PPCDC: variants seen among roughly 807,000 people sequenced by gnomAD.
PPCDC encodes the protein phosphopantothenoylcysteine decarboxylase.
In PPCDC, 20 loss-of-function variants were observed where a neutral mutation model predicts 20.7. The ratio of observed to expected loss-of-function variants is 0.97; its 90% CI spans 0.68 to 1.41. The LOEUF is 1.41. PPCDC is among the 40% of genes most tolerant of loss of function. The pLI is 0.00. For synonymous variants in PPCDC, 88 were observed against 100.3 expected, an observed-to-expected ratio of 0.88 and a Z score of 0.73; for missense variants, 246 against 263.8, an observed-to-expected ratio of 0.93 and a Z score of 0.47.
chr15:75,048,783 T>C (rs1322524178), intron 5 of PPCDC, 62 bp downstream of exon 5: 52 of 1,558,254 alleles, frequency 3.3e-5, no homozygotes, highest in Non-Finnish European at 4.5e-5. Context: ...TGGGGTCATA[T>C]CTCAGTTCAG....
rs1028946304 is a variant in PPCDC, at chr15:75,032,731, C to CT, written c.135+4278_135+4279insT. Among the ~76,000 whole-genome samples, 56 of 130,490 alleles carry CT rather than the reference C, an allele frequency of 4.3e-4. 9 individuals carry two copies. Among genetic ancestry groups the CT allele is most frequent in the Non-Finnish European group, 8.1e-4 (51 of 62,600 alleles). 85.6% of individuals were successfully genotyped at this position (130,490 alleles called of 152,430 possible). A position where few individuals can be genotyped will look rare whatever the true frequency, so the allele number is the denominator to read the frequency against. ...TAGGAGCTAGCAAACTGGACCCCCC[C>CT]CCCCAAGGCCAAATTCGGCTCTGCC... On this transcript the variant is annotated intron_variant, in intron 2 of 5. Coordinates refer to ENST00000342932, the MANE Select transcript of PPCDC (RefSeq NM_021823.5).
intron 1 of PPCDC, among the ~76,000 whole-genome samples, chr15:75,025,669 CTT>C (rs1380556019): frequency 2.0e-5 from 3 of 152,186 alleles, no homozygotes; most frequent in African/African-American, 4.8e-5. Context: ...CTTGCCAACT[CTT>C]TTTGCTGCTC....
At chr15:75,036,651 G>A (rs2066088336) in intron 2 of PPCDC, among the ~76,000 whole-genome samples, 2 of 152,138 alleles carry the variant, frequency 1.3e-5, no homozygotes, top group Admixed American at 6.5e-5. Context: ...CAGGGTGAGA[G>A]GCTTAACAGG....
At position 75,044,451 on chromosome 15, in the gene PPCDC, G is replaced by T. The variant is rs1483274108; in HGVS notation, c.297G>T (p.Leu99=). 1 of 1,614,092 alleles carries T rather than the reference G, an allele frequency of 6.2e-7. No homozygotes were observed. Among genetic ancestry groups the T allele is most frequent in the African/African-American group, 1.3e-5 (1 of 74,942 alleles). ...TGCGGAGGTGGGCAGACCTCCTGCT[G>T]GTGGCTCCTCTTGATGCCAACACTC... is the stretch of plus-strand genomic sequence containing the variant. The part of the protein sequence containing the change: ...IDLRRWADLL[L]VAPLDANTLG... Residue 99 remains leucine (L), a synonymous_variant, in exon 4 of 6, where the codon CTG becomes CTT. Transcript: ENST00000342932.
chr15:75,029,953 C>A (rs951434133), intron 2 of PPCDC, among the ~76,000 whole-genome samples: 1 of 152,194 alleles, frequency 6.6e-6, no homozygotes, highest in Non-Finnish European at 1.5e-5. Context: ...TCCCATCCCA[C>A]GCAGCCAGCG....
At chr15:75,040,969 C>T (rs569200786) in intron 2 of PPCDC, among the ~76,000 whole-genome samples, 36 of 152,308 alleles carry the variant, frequency 2.4e-4, no homozygotes, top group Non-Finnish European at 1.0e-4. Flanking sequence ...TTACTGCTCC[C>T]GGCCAAATGC....
chr15:75,034,030 G>A (rs1366907253), intron 2 of PPCDC, among the ~76,000 whole-genome samples: 1 of 152,232 alleles, frequency 6.6e-6, no homozygotes, highest in African/African-American at 2.4e-5. Context: ...AGAGCCAGGT[G>A]GGAAAGGTCA....
intron 1 of PPCDC, among the ~76,000 whole-genome samples, chr15:75,026,035 T>G (rs1195723127): frequency 2.0e-5 from 3 of 152,200 alleles, no homozygotes; most frequent in Non-Finnish European, 4.4e-5. Context: ...CTATAGTGCC[T>G]GCTGTGGGGA....
rs940167514 is a variant in PPCDC at position 75,044,510 on chromosome 15, T to A, written c.356T>A (p.Leu119Ter). The A allele has an allele frequency of 3.1e-6, 5 of 1,613,816 alleles. No homozygotes were observed. The African/African-American group carries it at 6.7e-5, about 22-fold the overall frequency. Residue 119 changes from leucine (L) to a stop codon, truncating the protein, a stop_gained, in exon 4 of 6, where the codon TTG (leucine) becomes TAG (stop). Transcript: ENST00000342932. LOFTEE classifies it high-confidence loss of function. ...GTGGCCAGTGGCATCTGTGACAACT[T>A]GCTTGTGAGTGATGTCCTGGTGCCC... ...GKVASGICDN[L>*]LTCVMRAWDR...
intron 4 of PPCDC, among the ~76,000 whole-genome samples, chr15:75,045,862 C>G (rs930014788): frequency 6.7e-6 from 1 of 150,214 alleles, no homozygotes; most frequent in Non-Finnish European, 1.5e-5. Context: ...GCCAGAATAG[C>G]CAGTGCGCTC....
intron 4 of PPCDC, 53 bp downstream of exon 4, chr15:75,044,567 C>T: frequency 1.9e-6 from 3 of 1,586,906 alleles, no homozygotes; most frequent in Non-Finnish European, 2.6e-6. Context: ...ACCCAGTTTG[C>T]TGAGCTGCAG....
rs1390325661 is a variant in PPCDC, at chr15:75,049,617, C to T, written c.*382C>T. On this transcript the variant is annotated 3_prime_UTR_variant, in exon 6 of 6. Transcript: ENST00000342932. ...CCTGGCTGAGCCTTGGGAGTTTCAG[C>T]TCTTTGGCGGGGTGCCCAGGTGCCA... 1.1e-5 allele frequency: 2 copies of T among 183,398 alleles called. No homozygotes were observed. Among genetic ancestry groups the T allele is most frequent in the South Asian group, 2.7e-4 (2 of 7,408 alleles). 11.4% of individuals were successfully genotyped at this position (183,398 alleles called of 1,614,324 possible).
At chr15:75,029,792 C>G (rs2065999688) in intron 2 of PPCDC, among the ~76,000 whole-genome samples, 1 of 152,152 alleles carries the variant, frequency 6.6e-6, no homozygotes, top group Non-Finnish European at 1.5e-5. Context: ...CCACCACCCC[C>G]TGGGGAGGGA....
intron 2 of PPCDC, among the ~76,000 whole-genome samples, chr15:75,031,448 C>T (rs1482322534): frequency 1.3e-5 from 2 of 152,008 alleles, no homozygotes; most frequent in Admixed American, 1.3e-4. Flanking sequence ...TTAACAGGGC[C>T]GGGCGCGGTG....
chr15:75,041,792 C>CT (rs1457136063), intron 2 of PPCDC, among the ~76,000 whole-genome samples: 52 of 152,328 alleles, frequency 3.4e-4, no homozygotes, highest in African/African-American at 1.1e-3. Context: ...TTCTCTGAGA[C>CT]TTCTACTCCT....
At chr15:75,028,507 T>C in intron 2 of PPCDC, 54 bp downstream of exon 2, 1 of 1,608,078 alleles carries the variant, frequency 6.2e-7, no homozygotes, top group Non-Finnish European at 8.5e-7. Flanking sequence ...AGGCCGGTGC[T>C]CCCGGGGATG....
intron 2 of PPCDC, among the ~76,000 whole-genome samples, chr15:75,035,625 A>G (rs2141484020): frequency 6.6e-6 from 1 of 152,324 alleles, no homozygotes; most frequent in South Asian, 2.1e-4. Context: ...TCCAAGCCTC[A>G]GTCACATACA....
chr15:75,027,030 C>G (rs557993526), intron 1 of PPCDC, among the ~76,000 whole-genome samples: 1 of 152,086 alleles, frequency 6.6e-6, no homozygotes, highest in African/African-American at 2.4e-5. Flanking sequence ...TCAGGACTGC[C>G]GGCTAGTGGA....
intron 1 of PPCDC, among the ~76,000 whole-genome samples, chr15:75,024,646 A>G (rs1276443823): frequency 6.8e-6 from 1 of 147,078 alleles, no homozygotes; most frequent in Non-Finnish European, 1.5e-5. Flanking sequence ...GAGCCACCAC[A>G]TCACCCTCCT....
Sources: gnomAD v4.1 joint callset for allele counts (sites outside exome capture counted in the v4.1 genomes callset) on GRCh38, gnomAD v4.1.1 for gene constraint, MANE v1.5 for transcripts, NCBI Gene and HGNC (gene_info 2026-07-23, HGNC 2026-07-21) for gene names.